Variants in PGCKA1 observed in about 807,000 individuals in gnomAD.
PGCKA1 encodes the protein PDCD10 and GCKIII kinases-associated protein 1.
At chr4:37,588,643 C>G in the PGCKA1 span, 6 of 523,440 alleles carry the variant, frequency 1.1e-5, no homozygotes, top group Non-Finnish European at 2.1e-5. Context: ...TGTCAGTGAA[C>G]GTTTGAGAAC....
the PGCKA1 span, among the ~76,000 whole-genome samples, chr4:37,545,889 G>A: frequency 6.6e-6 from 1 of 152,078 alleles, no homozygotes; most frequent in Non-Finnish European, 1.5e-5. Context: ...CTTCTTCCAT[G>A]GAAATCTGGA....
At chr4:37,590,560 G>A in the PGCKA1 span, 1 of 1,614,172 alleles carries the variant, frequency 6.2e-7, no homozygotes, top group Non-Finnish European at 8.5e-7. Context: ...TCCTTCTGAG[G>A]CAGAAAGTTT....
chr4:37,557,493 G>A, the PGCKA1 span, among the ~76,000 whole-genome samples: 2 of 152,324 alleles, frequency 1.3e-5, no homozygotes, highest in East Asian at 1.9e-4. Flanking sequence ...GGCGTCTGGT[G>A]AGGACCTGCT....
chr4:37,485,042 T>C, the PGCKA1 span, among the ~76,000 whole-genome samples: 1 of 152,226 alleles, frequency 6.6e-6, no homozygotes, highest in Non-Finnish European at 1.5e-5. Flanking sequence ...CATGCTATTT[T>C]ATATTCTGTA....
the PGCKA1 span, among the ~76,000 whole-genome samples, chr4:37,568,967 T>A: frequency 1.3e-5 from 2 of 151,770 alleles, no homozygotes; most frequent in Non-Finnish European, 2.9e-5. Flanking sequence ...CACGGTGGCG[T>A]GTGCATGTAG....
the PGCKA1 span, among the ~76,000 whole-genome samples, chr4:37,553,941 G>A: frequency 2.6e-5 from 4 of 152,152 alleles, no homozygotes; most frequent in South Asian, 4.1e-4. Context: ...AATCCAAGAC[G>A]GAAAGTGATC....
chr4:37,508,693 G>GTTTTTTTTTTTT, the PGCKA1 span, among the ~76,000 whole-genome samples: 33 of 53,278 alleles, frequency 6.2e-4, no homozygotes, highest in Admixed American at 8.0e-4. Context: ...CTTTTTTTTA[G>GTTTTTTTTTTTT]TATTTATTGA....
chr4:37,593,509 C>T, the PGCKA1 span, among the ~76,000 whole-genome samples: 4 of 151,752 alleles, frequency 2.6e-5, no homozygotes, highest in Non-Finnish European at 5.9e-5. Context: ...ATAAAAACCC[C>T]ACTCACTCTC....
the PGCKA1 span, among the ~76,000 whole-genome samples, chr4:37,562,783 G>A: frequency 3.9e-5 from 6 of 152,182 alleles, no homozygotes; most frequent in Admixed American, 6.5e-5. Flanking sequence ...TTCCTGGACA[G>A]TAAACTCTTT....
chr4:37,464,262 G>T, the PGCKA1 span, among the ~76,000 whole-genome samples: 1 of 152,182 alleles, frequency 6.6e-6, no homozygotes, highest in East Asian at 1.9e-4. Flanking sequence ...AGGCCTGGCT[G>T]CCCCAGAAGA....
the PGCKA1 span, among the ~76,000 whole-genome samples, chr4:37,551,021 A>T: frequency 6.6e-6 from 1 of 152,210 alleles, no homozygotes; most frequent in African/African-American, 2.4e-5. Flanking sequence ...CCATAAAAAA[A>T]AAACAGTTAC....
chr4:37,479,937 A>G, the PGCKA1 span, among the ~76,000 whole-genome samples: 1 of 152,244 alleles, frequency 6.6e-6, no homozygotes, highest in African/African-American at 2.4e-5. Flanking sequence ...AGCAAGAGAC[A>G]TAGGCAATTT....
chr4:37,512,234 T>A, the PGCKA1 span, among the ~76,000 whole-genome samples: 1 of 150,346 alleles, frequency 6.7e-6, no homozygotes, highest in Admixed American at 6.6e-5. Flanking sequence ...GTGTTCCCTT[T>A]GTATAGATAG....
chr4:37,463,513 A>G, the PGCKA1 span, among the ~76,000 whole-genome samples: 2 of 152,332 alleles, frequency 1.3e-5, no homozygotes, highest in East Asian at 3.9e-4. Context: ...GAAGAGATCC[A>G]CTGCAGCCCA....
the PGCKA1 span, among the ~76,000 whole-genome samples, chr4:37,558,658 A>G: frequency 1.3e-5 from 2 of 149,174 alleles, no homozygotes; most frequent in East Asian, 1.9e-4. Flanking sequence ...TGAACAGGCA[A>G]CCTACAAAAT....
the PGCKA1 span, among the ~76,000 whole-genome samples, chr4:37,469,922 C>G: frequency 1.3e-5 from 2 of 152,186 alleles, no homozygotes; most frequent in Non-Finnish European, 2.9e-5. Flanking sequence ...TGATCATATT[C>G]TCTTCCAAAT....
At chr4:37,571,384 G>A in the PGCKA1 span, among the ~76,000 whole-genome samples, 2 of 58,992 alleles carry the variant, frequency 3.4e-5, no homozygotes, top group African/African-American at 1.3e-4. Context: ...TTTTTTTTGA[G>A]ACAGACCTCA....
chr4:37,577,999 T>G, the PGCKA1 span, among the ~76,000 whole-genome samples: 1 of 152,218 alleles, frequency 6.6e-6, no homozygotes, highest in African/African-American at 2.4e-5. Context: ...GTCCATGTGC[T>G]GAGGAAAAGA....
At chr4:37,461,845 TAGA>T in the PGCKA1 span, among the ~76,000 whole-genome samples, 309 of 151,976 alleles carry the variant, frequency 2.0e-3, no homozygotes, top group Non-Finnish European at 2.9e-3. Context: ...ATGGAGGAAA[TAGA>T]GGAGAAGGAT....
Sources: gnomAD v4.1 joint callset for allele counts (sites outside exome capture counted in the v4.1 genomes callset) on GRCh38, gnomAD v4.1.1 for gene constraint, MANE v1.5 for transcripts, NCBI Gene and HGNC (gene_info 2026-07-23, HGNC 2026-07-21) for gene names.